The following GAS6 variants were observed in gnomAD, a reference collection of about 807,000 sequenced individuals.
GAS6 encodes growth arrest-specific protein 6.
A neutral mutation model predicts 75.8 loss-of-function variants in GAS6; 41 were observed. That is an observed-to-expected ratio of 0.54 (90% confidence interval 0.42 to 0.70). The LOEUF (loss-of-function observed/expected upper bound fraction) is 0.70, where lower values mean the gene tolerates loss of function less well. GAS6 is among the 30% of genes least tolerant of loss of function. The pLI, the probability that GAS6 is intolerant of heterozygous loss-of-function variation, is 0.00. For synonymous variants in GAS6, 432 were observed against 412.6 expected, an observed-to-expected ratio of 1.05 and a Z score of -0.57; for missense variants, 854 against 940.2, an observed-to-expected ratio of 0.91 and a Z score of 1.20.
intron 5 of GAS6, 23 bp downstream of exon 5, chr13:113,839,705 C>T (rs2051755368): frequency 6.2e-7 from 1 of 1,611,350 alleles, no homozygotes; most frequent in Admixed American, 1.7e-5. Flanking sequence ...GGAGACCCCG[C>T]CTTTGTCTTC....
chr13:113,828,051 A>G (rs185595351), intron 11 of GAS6, among the ~76,000 whole-genome samples: 27,837 of 152,032 alleles, frequency 0.18, 2,916 homozygotes, highest in South Asian at 0.33. Flanking sequence ...CGAGGTGGGC[A>G]GTTCACGAGG....
Position 113,820,785 on chromosome 13 carries a change from C to G in GAS6, c.*79G>C, listed in dbSNP as rs1289536445. On this transcript the variant is annotated 3_prime_UTR_variant, in exon 15 of 15. Transcript: ENST00000327773. The stretch of plus-strand genomic sequence containing the variant: ...AGGAAAGCCCAGCTCTCAGCATGGC[C>G]CCACGTGGTGAGGAGCCCCCAGGCT... 9.6e-6 allele frequency: 14 copies of G among 1,465,452 alleles called. No homozygotes were observed. The East Asian group carries it at 2.9e-4, about 30-fold the overall frequency. The allele number at this position is 1,465,452 out of a possible 1,614,324, so 90.8% of individuals were successfully genotyped here. A position where few individuals can be genotyped will look rare whatever the true frequency, so the allele number is the denominator to read the frequency against.
intron 2 of GAS6, among the ~76,000 whole-genome samples, chr13:113,853,695 A>C (rs899944667): frequency 6.6e-6 from 1 of 152,182 alleles, no homozygotes; most frequent in Non-Finnish European, 1.5e-5. Context: ...TAACCCTTTG[A>C]CCATAGTGCT....
intron 12 of GAS6, 53 bp from the exon 13 acceptor site, chr13:113,823,603 G>A (rs1051971242): frequency 1.9e-6 from 3 of 1,544,384 alleles, no homozygotes; most frequent in African/African-American, 1.4e-5. Context: ...AGAGGCCACA[G>A]TGAGGTCGGA....
At chr13:113,851,327 ATGAG>A (rs2051873115) in intron 2 of GAS6, among the ~76,000 whole-genome samples, 1 of 150,524 alleles carries the variant, frequency 6.6e-6, no homozygotes, top group Non-Finnish European at 1.5e-5. Context: ...GAGTGAATGA[ATGAG>A]TGGGTGGATG....
Position 113,829,209 on chromosome 13 carries a change from A to C in GAS6, c.1144-498T>G, listed in dbSNP as rs1233187753. On this transcript the variant is annotated intron_variant, in intron 10 of 14. Coordinates refer to ENST00000327773, the MANE Select transcript of GAS6 (RefSeq NM_000820.4). Reference sequence around the variant, plus strand: ...ATCTCAGGGAGACCACCTGATCCTCACCTGGGCCAAGAGGGTCTCAATCTC... The same window carrying C: ...ATCTCAGGGAGACCACCTGATCCTCCCCTGGGCCAAGAGGGTCTCAATCTC... Among the ~76,000 whole-genome samples the C allele has an allele frequency of 2.0e-3, 113 of 56,562 alleles. 9 individuals are homozygous for C. The highest frequency in any genetic ancestry group is 0.019 in the African/African-American group (105 of 5,474). 37.1% of individuals were successfully genotyped at this position (56,562 alleles called of 152,430 possible).
At chr13:113,828,229 A>C (rs375624266) in intron 11 of GAS6, among the ~76,000 whole-genome samples, 36 of 152,250 alleles carry the variant, frequency 2.4e-4, no homozygotes, top group Middle Eastern at 3.4e-3. Context: ...GCGCCACTGC[A>C]CTCCAGCCTG....
chr13:113,834,817 G>A (rs34034072), intron 7 of GAS6, 145 bp from the exon 8 acceptor site: 57,080 of 850,642 alleles, frequency 0.067, 2,512 homozygotes, highest in South Asian at 0.19. Flanking sequence ...TGGGGGTCGC[G>A]TCCCCCCCCA....
chr13:113,829,980 C>G (rs965721245), intron 10 of GAS6, among the ~76,000 whole-genome samples: 1 of 151,860 alleles, frequency 6.6e-6, no homozygotes, highest in African/African-American at 2.4e-5. Flanking sequence ...AGGAGACCAC[C>G]TGATCCACAC....
At chr13:113,834,314 G>T (rs916475086) in intron 8 of GAS6, among the ~76,000 whole-genome samples, 1 of 152,184 alleles carries the variant, frequency 6.6e-6, no homozygotes, top group Non-Finnish European at 1.5e-5. Flanking sequence ...GTCACACTGG[G>T]GTCCACACCA....
chr13:113,839,992 C>T, intron 4 of GAS6, 142 bp from the exon 5 acceptor site: 1 of 1,206,078 alleles, frequency 8.3e-7, no homozygotes. Context: ...AGCCCCTGGG[C>T]ACCCGAGCCC....
At chr13:113,853,984 A>G (rs2051894836) in intron 2 of GAS6, among the ~76,000 whole-genome samples, 1 of 152,242 alleles carries the variant, frequency 6.6e-6, no homozygotes, top group Non-Finnish European at 1.5e-5. Flanking sequence ...CACAGGAGGC[A>G]GTGCATGGCC....
chr13:113,853,308 G>GT (rs1345422706), intron 2 of GAS6, among the ~76,000 whole-genome samples: 3 of 152,318 alleles, frequency 2.0e-5, no homozygotes, highest in South Asian at 4.1e-4. Flanking sequence ...TCTCTGCCTG[G>GT]TGGTGAGGGG....
chr13:113,826,848 G>GCCCCC lies in GAS6; in HGVS notation c.1477+147_1477+148insGGGGG. 9 of 163,608 alleles carry GCCCCC rather than the reference G, an allele frequency of 5.5e-5. 1 individual carries two copies. The highest frequency in any genetic ancestry group is 1.0e-4 in the Non-Finnish European group (8 of 77,714). 10.1% of individuals were successfully genotyped at this position (163,608 alleles called of 1,614,324 possible). A position where few individuals can be genotyped will look rare whatever the true frequency, so the allele number is the denominator to read the frequency against. On this transcript the variant is annotated intron_variant, in intron 12 of 14. Transcript: ENST00000327773. Reference sequence around the variant, plus strand: ...GAGGTGGGCCTCTGCCCGCACCTCCGCCCACCCCGCCCACCCATCCCTGCC... The same window carrying GCCCCC: ...GAGGTGGGCCTCTGCCCGCACCTCCGCCCCCCCCACCCCGCCCACCCATCCCTGCC...
chr13:113,842,703 A>T, intron 4 of GAS6: 1 of 396,988 alleles, frequency 2.5e-6, no homozygotes, highest in Non-Finnish European at 4.4e-6. Flanking sequence ...CGGCACCAGA[A>T]CCTGACCTCC....
intron 2 of GAS6, among the ~76,000 whole-genome samples, chr13:113,854,573 C>A (rs1157155475): frequency 1.3e-5 from 2 of 152,372 alleles, no homozygotes; most frequent in East Asian, 3.9e-4. Flanking sequence ...GCACAACATT[C>A]AGCATGTGAG....
rs984903101 is a variant in GAS6, at chr13:113,837,811, G to A, written c.589+258C>T. ...TCTGGGGAATGGACGAGGCCCTACA[G>A]CCAGCAGTGTGGCCTCATGGGCTGG... On this transcript the variant is annotated intron_variant, in intron 6 of 14. Transcript: ENST00000327773. The surrounding 1 kb of genome is among the most constrained non-coding windows in gnomAD (Gnocchi z 5.1). 6.6e-6 allele frequency among the ~76,000 whole-genome samples: 1 copy of A among 152,170 alleles called. No individual in the cohort carries two copies. Among genetic ancestry groups the A allele is most frequent in the African/African-American group, 2.4e-5 (1 of 41,448 alleles).
chr13:113,826,944 C>T, intron 12 of GAS6, 52 bp downstream of exon 12: 3 of 1,404,910 alleles, frequency 2.1e-6, no homozygotes, highest in Non-Finnish European at 9.5e-7. Context: ...TCAGCGTATG[C>T]CTGTCTGAAG....
intron 2 of GAS6, among the ~76,000 whole-genome samples, chr13:113,854,632 C>T: frequency 6.6e-6 from 1 of 152,382 alleles, no homozygotes; most frequent in East Asian, 1.9e-4. Flanking sequence ...GGCCCTGAGC[C>T]AGCACAGGCT....
Sources: allele counts gnomAD v4.1 joint callset (sites outside exome capture counted in the v4.1 genomes callset), GRCh38; gene constraint gnomAD v4.1.1; non-coding constraint Gnocchi (gnomAD v3.1); transcripts MANE v1.5; gene names NCBI Gene and HGNC (gene_info 2026-07-23, HGNC 2026-07-21).